SOX5: variants seen among roughly 807,000 people sequenced by gnomAD.
SOX5 encodes transcription factor SOX-5.
In SOX5, 9 loss-of-function variants were observed where a neutral mutation model predicts 92.0. The observed-to-expected ratio is 0.10, with a 90% CI of 0.06 to 0.17. The LOEUF (loss-of-function observed/expected upper bound fraction) is 0.17. SOX5 is among the 10% of genes least tolerant of loss of function. The pLI is 1.00. For synonymous variants in SOX5, 344 were observed against 336.3 expected (o/e 1.02, Z -0.25); for missense variants, 642 against 944.5 (o/e 0.68, Z 4.20).
chr12:23,585,577 C>G (rs554395432), intron 9 of SOX5, among the ~76,000 whole-genome samples: 10 of 152,108 alleles, frequency 6.6e-5, no homozygotes, highest in Non-Finnish European at 1.3e-4. Context: ...CTTGCTTTAA[C>G]CTAGACTGAG....
intron 4 of SOX5, among the ~76,000 whole-genome samples, chr12:24,209,480 T>C (rs1192032903): frequency 6.6e-6 from 1 of 152,236 alleles, no homozygotes; most frequent in South Asian, 2.1e-4. Flanking sequence ...TATGTATGTA[T>C]GTATTTTTGT....
At chr12:24,199,068 G>C (rs953723540) in intron 4 of SOX5, among the ~76,000 whole-genome samples, 5 of 152,162 alleles carry the variant, frequency 3.3e-5, no homozygotes, top group African/African-American at 9.7e-5. Flanking sequence ...TGGTGTGAAA[G>C]TTAGTCGAGG....
chr12:24,076,589 TC>T (rs1315231368), intron 4 of SOX5, among the ~76,000 whole-genome samples: 2 of 152,126 alleles, frequency 1.3e-5, no homozygotes, highest in East Asian at 3.9e-4. Flanking sequence ...ACATGCAGAA[TC>T]TTTTTCCATG....
At chr12:24,041,245 C>A (rs944940594) in intron 4 of SOX5, among the ~76,000 whole-genome samples, 2 of 152,070 alleles carry the variant, frequency 1.3e-5, no homozygotes, top group African/African-American at 4.8e-5. Flanking sequence ...TATCATAAGG[C>A]TCACTGAATA....
rs78401107 is a variant in SOX5 at position 24,559,591 on chromosome 12, TA to T, written c.-251+2737del. Among the ~76,000 whole-genome samples, 554 of 143,456 alleles carry T rather than the reference TA, an allele frequency of 3.9e-3. 2 individuals carry two copies. The highest frequency in any genetic ancestry group is 0.031 in the East Asian group (157 of 4,994). The allele number at this position is 143,456 out of a possible 152,430, so 94.1% of individuals were successfully genotyped here. On this transcript the variant is annotated intron_variant, in intron 1 of 4. Transcript: ENST00000446891. Reference sequence around the variant, plus strand: ...TCATATTTTAAACTTGCTTTGTAAGTAAAAAAAAAAAAATTCTTTAAGCATT... The same window carrying T: ...TCATATTTTAAACTTGCTTTGTAAGTAAAAAAAAAAAATTCTTTAAGCATT...
intron 1 of SOX5, among the ~76,000 whole-genome samples, chr12:24,466,876 GAGTA>G (rs1159471691): frequency 6.6e-6 from 1 of 152,162 alleles, no homozygotes; most frequent in African/African-American, 2.4e-5. Context: ...CTCTGCTCTG[GAGTA>G]AGTGACAGTG....
At chr12:24,217,014 A>G (rs1345424273) in intron 3 of SOX5, among the ~76,000 whole-genome samples, 1 of 152,224 alleles carries the variant, frequency 6.6e-6, no homozygotes, top group Non-Finnish European at 1.5e-5. Context: ...GTTGCAACCA[A>G]CGCCATGAAG....
At chr12:24,555,360 TA>T (rs1440990162) in intron 1 of SOX5, among the ~76,000 whole-genome samples, 1 of 152,208 alleles carries the variant, frequency 6.6e-6, no homozygotes, top group African/African-American at 2.4e-5. Flanking sequence ...TATACTCTGA[TA>T]AAAAATAAGG....
chr12:24,357,822 C>CA (rs1955043785), intron 2 of SOX5, among the ~76,000 whole-genome samples: 1 of 133,338 alleles, frequency 7.5e-6, no homozygotes, highest in South Asian at 2.6e-4. Flanking sequence ...GCCTGGGTGA[C>CA]AGAGCGAGAC....
intron 8 of SOX5, among the ~76,000 whole-genome samples, chr12:23,606,480 A>G (rs889801524): frequency 6.6e-6 from 1 of 151,692 alleles, no homozygotes; most frequent in Non-Finnish European, 1.5e-5. Flanking sequence ...TCTGTGATAA[A>G]GAAAATGTGA....
rs373302125 is a variant in SOX5, at chr12:24,356,333, A to G, written c.-174+12230T>C. ...CTTTAGTAAAGAGATGAATATAGTG[A>G]GTTATTTTTTGTCTGACTGACCATT... On this transcript the variant is annotated intron_variant, in intron 2 of 4. Coordinates refer to the SOX5 transcript ENST00000446891. Among the ~76,000 whole-genome samples the G allele has an allele frequency of 3.9e-5, 6 of 152,272 alleles. No individual in the cohort carries two copies. The East Asian group carries it at 7.7e-4, about 20-fold the overall frequency.
chr12:23,753,201 T>G (rs1346568236), intron 4 of SOX5, among the ~76,000 whole-genome samples: 1 of 151,776 alleles, frequency 6.6e-6, no homozygotes, highest in Non-Finnish European at 1.5e-5. Flanking sequence ...GAAACACTTC[T>G]CTAAACCCTT....
intron 4 of SOX5, among the ~76,000 whole-genome samples, chr12:24,132,271 T>C (rs1257405425): frequency 6.6e-6 from 1 of 152,146 alleles, no homozygotes; most frequent in East Asian, 1.9e-4. Flanking sequence ...CTGCTATGTA[T>C]ATCCTGTGTG....
intron 8 of SOX5, among the ~76,000 whole-genome samples, chr12:23,620,934 T>C (rs562269746): frequency 6.6e-6 from 1 of 152,254 alleles, no homozygotes; most frequent in South Asian, 2.1e-4. Flanking sequence ...TAAATAATTA[T>C]CTCTGCTTTC....
chr12:24,047,312 G>T (rs2137071695), intron 4 of SOX5, among the ~76,000 whole-genome samples: 1 of 152,234 alleles, frequency 6.6e-6, no homozygotes, highest in East Asian at 1.9e-4. Flanking sequence ...TAATACTTCT[G>T]CCTCAGAAAA....
At chr12:23,672,499 A>G (rs1202563809) in intron 6 of SOX5, among the ~76,000 whole-genome samples, 1 of 152,168 alleles carries the variant, frequency 6.6e-6, no homozygotes, top group Non-Finnish European at 1.5e-5. Flanking sequence ...ATTTGTATAA[A>G]GAAGGCAAGA....
intron 1 of SOX5, among the ~76,000 whole-genome samples, chr12:23,949,314 T>C (rs1466667535): frequency 6.6e-6 from 1 of 151,928 alleles, no homozygotes; most frequent in Non-Finnish European, 1.5e-5. Context: ...GAGAGATGCT[T>C]AAGGTTCATT....
At chr12:24,214,790 C>T (rs79308178) in intron 3 of SOX5, among the ~76,000 whole-genome samples, 4 of 152,110 alleles carry the variant, frequency 2.6e-5, no homozygotes, top group African/African-American at 9.6e-5. Flanking sequence ...AATCTAAGAC[C>T]AGGTGACTTG....
At chr12:24,451,689 A>G (rs760152432) in intron 1 of SOX5, among the ~76,000 whole-genome samples, 2 of 152,202 alleles carry the variant, frequency 1.3e-5, no homozygotes, top group Non-Finnish European at 2.9e-5. Flanking sequence ...GTAGACTTTC[A>G]TTTTAACCTG....
Sources: gnomAD v4.1 joint callset for allele counts (sites outside exome capture counted in the v4.1 genomes callset) on GRCh38, gnomAD v4.1.1 for gene constraint, MANE v1.5 for transcripts, NCBI Gene and HGNC (gene_info 2026-07-23, HGNC 2026-07-21) for gene names.